The following ATF7 variants were observed in gnomAD, a reference collection of about 807,000 sequenced individuals.
The protein encoded by ATF7 is cyclic AMP-dependent transcription factor ATF-7.
Under a neutral mutation model 50.4 loss-of-function variants are expected in ATF7, and 10 were observed. The ratio of observed to expected loss-of-function variants is 0.20; its 90% CI spans 0.12 to 0.34. The LOEUF (loss-of-function observed/expected upper bound fraction) is 0.34, where lower values mean the gene tolerates loss of function less well. Ranked by LOEUF, ATF7 falls within the 10% of genes least tolerant of loss-of-function variation. The probability of loss-of-function intolerance (pLI) is 1.00; values close to 1 mark genes in which losing one functional copy is unlikely to be tolerated. For synonymous variants in ATF7, 201 were observed against 226.4 expected, an observed-to-expected ratio of 0.89 and a Z score of 1.01; for missense variants, 465 against 613.9, an observed-to-expected ratio of 0.76 and a Z score of 2.56.
chr12:53,619,794 A>G (rs908943273), intron 1 of ATF7, among the ~76,000 whole-genome samples: 8 of 152,030 alleles, frequency 5.3e-5, no homozygotes, highest in Non-Finnish European at 7.4e-5. Flanking sequence ...CCTGGGAGAC[A>G]GAGGGAGACC....
chr12:53,531,931 G>A (rs748072145), intron 8 of ATF7, 35 bp from the exon 9 acceptor site: 1 of 1,608,922 alleles, frequency 6.2e-7, no homozygotes, highest in Admixed American at 1.7e-5. Context: ...GCTTGTTAAG[G>A]ATCAGATTCT....
Position 53,622,710 on chromosome 12 carries a change from C to T in ATF7, c.-22+3569G>A, listed in dbSNP as rs1462886371. Among the ~76,000 whole-genome samples the T allele has an allele frequency of 2.0e-5, 3 of 151,966 alleles. No homozygotes were observed. The East Asian group carries it at 5.8e-4, about 29-fold the overall frequency. ...GGGGTATTTACCCCAGAAGAGATGCCTCCTGTAATCCCAGCACTTTGAGAG... is the reference window on the plus strand; with the variant it reads ...GGGGTATTTACCCCAGAAGAGATGCTTCCTGTAATCCCAGCACTTTGAGAG... On this transcript the variant is annotated intron_variant, in intron 1 of 11. Coordinates refer to ENST00000420353, the MANE Select transcript of ATF7 (RefSeq NM_006856.3).
At chr12:53,600,624 G>C (rs1023458385) in intron 2 of ATF7, 3 of 188,068 alleles carry the variant, frequency 1.6e-5, no homozygotes, top group African/African-American at 7.1e-5. Flanking sequence ...GAGCCACCGC[G>C]CCCGGCATGA....
intron 3 of ATF7, among the ~76,000 whole-genome samples, chr12:53,546,585 A>C (rs1393527322): frequency 2.6e-5 from 4 of 151,216 alleles, no homozygotes; most frequent in Non-Finnish European, 5.9e-5. Context: ...AGTAGCTGAG[A>C]TTACAGGTGC....
At chr12:53,614,497 T>TA (rs1373345908) in intron 1 of ATF7, among the ~76,000 whole-genome samples, 1 of 152,192 alleles carries the variant, frequency 6.6e-6, no homozygotes, top group African/African-American at 2.4e-5. Flanking sequence ...AGGACCAATT[T>TA]AAAATCTTAA....
At chr12:53,612,660 G>C (rs968142770) in intron 1 of ATF7, among the ~76,000 whole-genome samples, 1 of 152,084 alleles carries the variant, frequency 6.6e-6, no homozygotes, top group Admixed American at 6.6e-5. Flanking sequence ...GGTTCATGAA[G>C]GTTAAATCAT....
At chr12:53,585,412 A>G (rs2137729334) in intron 2 of ATF7, among the ~76,000 whole-genome samples, 1 of 152,296 alleles carries the variant, frequency 6.6e-6, no homozygotes, top group South Asian at 2.1e-4. Flanking sequence ...CAGTATGTTG[A>G]CAGTGGGGGA....
intron 3 of ATF7, among the ~76,000 whole-genome samples, chr12:53,546,422 TGAA>T (rs1939917656): frequency 7.9e-5 from 12 of 151,250 alleles, no homozygotes; most frequent in Admixed American, 7.9e-4. Flanking sequence ...TTTTGGCTGT[TGAA>T]AATTAAGATG....
chr12:53,542,109 T>TTTTTTTTTTTG (rs1939594235), intron 4 of ATF7, among the ~76,000 whole-genome samples: 3 of 141,340 alleles, frequency 2.1e-5, no homozygotes, highest in East Asian at 4.5e-4. Flanking sequence ...CCTGGCCTGT[T>TTTTTTTTTTTG]TTTTTTTTTT....
intron 2 of ATF7, among the ~76,000 whole-genome samples, chr12:53,580,358 C>T (rs1243456886): frequency 6.7e-6 from 1 of 149,280 alleles, no homozygotes; most frequent in African/African-American, 2.5e-5. Flanking sequence ...TACAAATAAA[C>T]ATATAGATTA....
At chr12:53,550,083 A>G (rs1940233012) in intron 3 of ATF7, among the ~76,000 whole-genome samples, 1 of 151,956 alleles carries the variant, frequency 6.6e-6, no homozygotes, top group African/African-American at 2.4e-5. Flanking sequence ...AGCACTTTGG[A>G]AGGCCGAGGC....
chr12:53,582,835 C>T (rs80235046), intron 2 of ATF7, among the ~76,000 whole-genome samples: 15 of 152,254 alleles, frequency 9.9e-5, no homozygotes, highest in Admixed American at 3.9e-4. Context: ...CCGCCCACCT[C>T]GGCCTCCCAA....
chr12:53,598,818 T>C (rs1943268306), intron 2 of ATF7, among the ~76,000 whole-genome samples: 1 of 152,176 alleles, frequency 6.6e-6, no homozygotes, highest in Non-Finnish European at 1.5e-5. Context: ...CTTGTCTGGG[T>C]TGTTTTAAGC....
intron 11 of ATF7, among the ~76,000 whole-genome samples, chr12:53,519,010 T>C (rs532642419): frequency 3.3e-5 from 5 of 149,444 alleles, no homozygotes; most frequent in East Asian, 3.9e-4. Context: ...GCCGAGATTG[T>C]GCCACTGCAC....
At chr12:53,601,152 A>G (rs1943386406) in intron 1 of ATF7, 131 bp from the exon 2 acceptor site, 1 of 666,108 alleles carries the variant, frequency 1.5e-6, no homozygotes, top group Non-Finnish European at 2.5e-6. Flanking sequence ...TTGTAAACAC[A>G]GGCTACTTTG....
Position 53,616,714 on chromosome 12 carries a change from G to A in ATF7, c.-22+9565C>T, listed in dbSNP as rs1944135235. Among the ~76,000 whole-genome samples, 5 of 151,814 alleles carry A rather than the reference G, an allele frequency of 3.3e-5. No homozygotes were observed. In the South Asian group the frequency reaches 8.3e-4, roughly 25 times the overall value. Reference sequence around the variant, plus strand: ...TCCCAGCACTTTGGAAGGCTGAGGCGGGTGGATTGCCTGAGCTCAGGAGTT... The same window carrying A: ...TCCCAGCACTTTGGAAGGCTGAGGCAGGTGGATTGCCTGAGCTCAGGAGTT... On this transcript the variant is annotated intron_variant, in intron 1 of 11. Coordinates refer to ENST00000420353, the MANE Select transcript of ATF7 (RefSeq NM_006856.3).
chr12:53,509,827 C>T (rs1477507995), downstream of ATF7, among the ~76,000 whole-genome samples: 1 of 151,794 alleles, frequency 6.6e-6, no homozygotes, highest in Non-Finnish European at 1.5e-5. Flanking sequence ...CTTTTTTGCT[C>T]AAGGGGAAGC....
At position 53,549,241 on chromosome 12, in the gene ATF7, C is replaced by T. The variant is rs1178244728; in HGVS notation, c.145+3300G>A. 5.6e-4 allele frequency among the ~76,000 whole-genome samples: 79 copies of T among 142,298 alleles called. 1 individual carries two copies. Among genetic ancestry groups the T allele is most frequent in the African/African-American group, 2.0e-3 (74 of 37,596 alleles). The allele number at this position is 142,298 out of a possible 152,430, so 93.4% of individuals were successfully genotyped here. ...AGCGCAGCTTGCAATGAGCGGAGAT[C>T]GCGCCACTGCACTCCAGCCTGGGCG... On this transcript the variant is annotated intron_variant, in intron 3 of 11. Transcript: ENST00000420353.
At chr12:53,586,174 A>C (rs531604218) in intron 2 of ATF7, among the ~76,000 whole-genome samples, 8 of 152,232 alleles carry the variant, frequency 5.3e-5, no homozygotes, top group Non-Finnish European at 8.8e-5. Flanking sequence ...GGAAAGACTG[A>C]AGAGGGAAAG....
Sources: allele counts gnomAD v4.1 joint callset (sites outside exome capture counted in the v4.1 genomes callset), GRCh38; gene constraint gnomAD v4.1.1; transcripts MANE v1.5; gene names NCBI Gene and HGNC (gene_info 2026-07-23, HGNC 2026-07-21).